The following EEF1D variants were observed in gnomAD, a reference collection of about 807,000 sequenced individuals.
EEF1D encodes the protein eukaryotic translation elongation factor 1 delta.
A neutral mutation model predicts 63.9 loss-of-function variants in EEF1D; 47 were observed. The ratio of observed to expected loss-of-function variants is 0.74; its 90% CI spans 0.58 to 0.94. EEF1D has a LOEUF of 0.94. EEF1D is among the 40% of genes least tolerant of loss of function. The pLI is 0.00. For missense variants in EEF1D, 907 were observed against 899.0 expected, an observed-to-expected ratio of 1.01 and a Z score of -0.11; for synonymous variants, 412 against 386.1, an observed-to-expected ratio of 1.07 and a Z score of -0.79.
intron 3 of EEF1D, among the ~76,000 whole-genome samples, chr8:143,588,412 A>G (rs1386839504): frequency 6.6e-6 from 1 of 152,224 alleles, no homozygotes; most frequent in East Asian, 1.9e-4. Flanking sequence ...GCAAGCCCAC[A>G]GCACCCAGAG....
chr8:143,593,747 C>T (rs1828350909), intron 1 of EEF1D: 1 of 547,272 alleles, frequency 1.8e-6, no homozygotes. Context: ...GGAGGCCAGG[C>T]CCGTCACCTG....
intron 2 of EEF1D, 112 bp from the exon 3 acceptor site, chr8:143,590,193 T>A: frequency 8.6e-7 from 1 of 1,168,114 alleles, no homozygotes; most frequent in Non-Finnish European, 1.1e-6. Context: ...CTGCCCTCCC[T>A]GGGCAGGGGC....
chr8:143,581,149 G>C lies in EEF1D; in HGVS notation c.1393C>G (p.Gln465Glu), dbSNP rs1438782692. 1 of 1,612,988 alleles carries C rather than the reference G, an allele frequency of 6.2e-7. No homozygotes were observed. ...VENQSLRGVV[Q>E]ELQQAISKLE... Reference sequence around the variant, plus strand: ...TTGGAGATGGCCTGCTGCAGCTCCTGTACCACTGGGGGGGCAAGGGGAGCA... The same window carrying C: ...TTGGAGATGGCCTGCTGCAGCTCCTCTACCACTGGGGGGGCAAGGGGAGCA... The change falls in exon 7 of 10, where the codon CAG (glutamine) becomes GAG (glutamate). Residue 465 changes from glutamine to glutamate, a missense_variant. Transcript: ENST00000618139.
chr8:143,594,012 G>T, intron 1 of EEF1D: 1 of 732,470 alleles, frequency 1.4e-6, no homozygotes, highest in Non-Finnish European at 1.7e-6. Context: ...TTTCAACTGC[G>T]TCCCGACAAA....
intron 4 of EEF1D, 36 bp from the exon 5 acceptor site, chr8:143,586,326 A>T: frequency 6.8e-7 from 1 of 1,470,974 alleles, no homozygotes; most frequent in African/African-American, 1.4e-5. Context: ...TCTTTTTTTT[A>T]TTATTAAAAA....
At chr8:143,590,175 C>T in intron 2 of EEF1D, 94 bp from the exon 3 acceptor site, 1 of 1,552,976 alleles carries the variant, frequency 6.4e-7, no homozygotes, top group African/African-American at 1.4e-5. Flanking sequence ...TGCCCGCCCT[C>T]CCCGTGGCTG....
chr8:143,581,176 G>C, intron 6 of EEF1D, 22 bp from the exon 7 acceptor site: 1 of 1,612,854 alleles, frequency 6.2e-7, no homozygotes, highest in Non-Finnish European at 8.5e-7. Context: ...AGGGGAGCAC[G>C]GTTAGATGGC....
rs146141808 is a variant in EEF1D, at chr8:143,590,045, C to T, written c.37G>A (p.Val13Met). Reference sequence around the variant, plus strand: ...TCATACTTGTGCTTGTCTTCCCACACGGTCTCCAGGGTGCAGGAGGCCTTC... The same window carrying T: ...TCATACTTGTGCTTGTCTTCCCACATGGTCTCCAGGGTGCAGGAGGCCTTC... ...SGKASCTLET[V>M]WEDKHKYEEA... The change falls in exon 3 of 10, where the codon GTG (valine) becomes ATG (methionine). Residue 13 changes from valine (V) to methionine (M), a missense_variant. Transcript: ENST00000618139. 1,287 of 1,598,976 alleles carry T rather than the reference C, an allele frequency of 8.0e-4. 1 individual carries two copies. The highest frequency in any genetic ancestry group is 1.0e-3 in the Non-Finnish European group (1,219 of 1,179,862).
rs201676126 is a variant in EEF1D at position 143,579,843 on chromosome 8, G to A, written c.1906-13C>T. 844 of 1,554,460 alleles carry A rather than the reference G, an allele frequency of 5.4e-4. No homozygotes were observed. Among genetic ancestry groups the A allele is most frequent in the African/African-American group, 2.3e-3 (165 of 73,328 alleles). ...CGACACTCTGCACCTGAGGAGAGGC[G>A]GAGGGTGACGGTCAGGGCTGTTCCC... On this transcript the variant is annotated splice_polypyrimidine_tract_variant and intron_variant, in intron 9 of 9. Transcript: ENST00000618139.
At position 143,586,742 on chromosome 8, in the gene EEF1D, C is replaced by T. The variant is rs760532469; in HGVS notation, c.1202G>A (p.Gly401Asp). Residue 401 changes from glycine (G) to aspartate (D), a missense_variant, in exon 4 of 10, where the codon GGT becomes GAT. Coordinates refer to ENST00000618139, the MANE Select transcript of EEF1D (RefSeq NM_001130053.5). Reference sequence around the variant, plus strand: ...TGCAGCTCTCACCTGGCGGGAGGCACCTGCCACAGGCCCGTTCATCTGCTC... The same window carrying T: ...TGCAGCTCTCACCTGGCGGGAGGCATCTGCCACAGGCCCGTTCATCTGCTC... ...FYEQMNGPVA[G>D]ASRQENGASV... The T allele has an allele frequency of 4.3e-6, 7 of 1,613,586 alleles. No homozygotes were observed. The highest frequency in any genetic ancestry group is 1.7e-5 in the Admixed American group (1 of 60,006).
chr8:143,586,294 C>A lies in EEF1D; in HGVS notation c.1216-4G>T. 1 of 1,585,264 alleles carries A rather than the reference C, an allele frequency of 6.3e-7. No individual in the cohort carries two copies. Among genetic ancestry groups the A allele is most frequent in the South Asian group, 1.1e-5 (1 of 87,120 alleles). ...GGATCACGCTGGCGCCGTTCTCCTG[C>A]AGACAGTGCAGAAAGAACCAGTCTT... On this transcript the variant is annotated splice_region_variant and splice_polypyrimidine_tract_variant and intron_variant, in intron 4 of 9. Coordinates refer to ENST00000618139, the MANE Select transcript of EEF1D (RefSeq NM_001130053.5).
At chr8:143,581,350 G>C (rs763175628) in intron 5 of EEF1D, 22 bp from the exon 6 acceptor site, 1 of 1,603,282 alleles carries the variant, frequency 6.2e-7, no homozygotes, top group Non-Finnish European at 8.5e-7. Flanking sequence ...GAGGAGGGGA[G>C]GGCTCAGTGC....
chr8:143,586,560 G>A (rs1022957276), intron 4 of EEF1D, among the ~76,000 whole-genome samples, 169 bp downstream of exon 4: 8 of 152,024 alleles, frequency 5.3e-5, no homozygotes, highest in Admixed American at 1.3e-4. Context: ...GACCCGGCCC[G>A]GGGGCCCGGC....
At position 143,580,222 on chromosome 8, in the gene EEF1D, A is replaced by G; in HGVS notation, c.1711-16T>C. ...CATCATCCCACTGTGGGGAAAGGGGAGGAAAAGCTGGGGTCAGCCACCCTC... is the reference window on the plus strand; with the variant it reads ...CATCATCCCACTGTGGGGAAAGGGGGGGAAAAGCTGGGGTCAGCCACCCTC... On this transcript the variant is annotated splice_polypyrimidine_tract_variant and intron_variant, in intron 8 of 9. Transcript: ENST00000618139. 1 of 1,609,432 alleles carries G rather than the reference A, an allele frequency of 6.2e-7. No individual in the cohort carries two copies. The highest frequency in any genetic ancestry group is 8.5e-7 in the Non-Finnish European group (1 of 1,177,136).
chr8:143,584,766 G>A (rs539532319), intron 5 of EEF1D, among the ~76,000 whole-genome samples: 1 of 152,124 alleles, frequency 6.6e-6, no homozygotes, highest in Non-Finnish European at 1.5e-5. Context: ...ATGACAGCGG[G>A]GGGGACCATG....
intron 8 of EEF1D, 149 bp from the exon 9 acceptor site, chr8:143,580,355 G>T (rs1825193624): frequency 8.1e-7 from 1 of 1,233,114 alleles, no homozygotes. Flanking sequence ...ACACCTTCCT[G>T]CCTCCAAGTT....
intron 2 of EEF1D, chr8:143,592,208 C>T (rs1035861029): frequency 2.0e-6 from 2 of 985,518 alleles, no homozygotes; most frequent in Non-Finnish European, 2.4e-6. Context: ...CTCTCTGCTC[C>T]CATGGAGCCG....
intron 3 of EEF1D, 43 bp downstream of exon 3, chr8:143,588,948 C>A: frequency 6.4e-7 from 1 of 1,563,792 alleles, no homozygotes; most frequent in Non-Finnish European, 8.6e-7. Context: ...TGTCCCTGTG[C>A]CCACAGCCCA....
Position 143,580,626 on chromosome 8 carries a change from A to G in EEF1D, c.1590T>C (p.Asn530=), listed in dbSNP as rs373056222. 5.0e-6 allele frequency: 8 copies of G among 1,613,650 alleles called. No individual in the cohort carries two copies. The African/African-American group carries it at 5.3e-5, about 11-fold the overall frequency. The change falls in exon 8 of 10, where the codon AAT becomes AAC. Residue 530 remains asparagine, a synonymous_variant. Transcript: ENST00000618139. ...DDDIDLFGSD[N]EEEDKEAAQL... is the part of the protein sequence containing the mutation. The stretch of plus-strand genomic sequence containing the variant: ...GTGCCGCCTCCTTGTCCTCCTCCTC[A>G]TTGTCACTGCCAAACAGGTCAATGT...
Sources: gnomAD v4.1 joint callset for allele counts (sites outside exome capture counted in the v4.1 genomes callset) on GRCh38, gnomAD v4.1.1 for gene constraint, MANE v1.5 for transcripts, NCBI Gene and HGNC (gene_info 2026-07-23, HGNC 2026-07-21) for gene names.